The following C8G variants were observed in gnomAD, a reference collection of about 807,000 sequenced individuals.
C8G encodes the protein complement C8 gamma chain.
C8G carries 38 observed loss-of-function variants against 29.1 expected under a neutral mutation model. That is an observed-to-expected ratio of 1.31 (90% CI 1.01 to 1.71). The LOEUF (loss-of-function observed/expected upper bound fraction) is 1.71. Among genes scored for constraint, C8G ranks in the 40% most tolerant of loss-of-function variants. C8G has a pLI of 0.00. For synonymous variants in C8G, 158 were observed against 113.2 expected (o/e 1.40, Z -2.51); for missense variants, 300 against 267.4 (o/e 1.12, Z -0.85).
chr9:136,945,780 A>G lies in C8G; in HGVS notation c.275+10A>G, dbSNP rs1198212415. ...GTACCTTCCGAAAGCTGTGAGTCCC[A>G]GAGCAGCCCTGCACCCTAACCCCAA... On this transcript the variant is annotated intron_variant, in intron 2 of 6. Coordinates refer to ENST00000371634, the MANE Select transcript of C8G (RefSeq NM_000606.3). 1.3e-6 allele frequency: 2 copies of G among 1,548,388 alleles called. No individual in the cohort carries two copies. Among genetic ancestry groups the G allele is most frequent in the East Asian group, 2.4e-5 (1 of 41,194 alleles).
chr9:136,945,567 G>T (rs1851007264), intron 1 of C8G, 67 bp from the exon 2 acceptor site: 6 of 1,573,022 alleles, frequency 3.8e-6, no homozygotes, highest in East Asian at 4.6e-5. Flanking sequence ...GTTGTGGGGG[G>T]TGTAGAGGGA....
rs992390462 is a variant in C8G at position 136,945,341 on chromosome 9, G to C, written c.21G>C (p.Ala7=). Residue 7 remains alanine (A), a synonymous_variant, in exon 1 of 7, where the codon GCG becomes GCC. Coordinates refer to ENST00000371634, the MANE Select transcript of C8G (RefSeq NM_000606.3). MLPPGT[A]TLLTLLLAAG... ...CCACCATGCTGCCCCCTGGGACTGC[G>C]ACCCTCTTGACTCTGCTCCTGGCAG... is the stretch of plus-strand genomic sequence containing the variant. The C allele has an allele frequency of 1.2e-6, 2 of 1,611,818 alleles. No individual in the cohort carries two copies. Among genetic ancestry groups the C allele is most frequent in the Non-Finnish European group, 1.7e-6 (2 of 1,179,192 alleles).
At chr9:136,945,900 C>A (rs1172953116) in intron 2 of C8G, 29 bp from the exon 3 acceptor site, 54 of 1,550,318 alleles carry the variant, frequency 3.5e-5, no homozygotes, top group Non-Finnish European at 4.7e-5. Flanking sequence ...GGTCTCCCAG[C>A]CTGTGGTGCC....
In C8G at chr9:136,946,144, G is replaced by T. The variant is rs56188501; in HGVS notation, c.406G>T (p.Ala136Ser). 6.3e-7 allele frequency: 1 copy of T among 1,583,014 alleles called. No individual in the cohort carries two copies. The highest frequency in any genetic ancestry group is 1.1e-5 in the South Asian group (1 of 87,160). ...CGCTGAGACCGACTACCAGAGTTTCGCTGTCCTGTACCTGGAGCGGGCGGG... is the reference window on the plus strand; with the variant it reads ...CGCTGAGACCGACTACCAGAGTTTCTCTGTCCTGTACCTGGAGCGGGCGGG... ...VVAETDYQSFAVLYLERAGQL... is the reference protein window; with the variant it reads ...VVAETDYQSFSVLYLERAGQL... The change falls in exon 4 of 7, where the codon GCT becomes TCT. Residue 136 changes from alanine to serine, a missense_variant. By Grantham distance (99) the Ala-to-Ser change is moderately conservative. Transcript: ENST00000371634.
At chr9:136,946,282 G>T (rs1564442183) in intron 4 of C8G, 90 bp downstream of exon 4, 2 of 1,375,696 alleles carry the variant, frequency 1.5e-6, no homozygotes, top group East Asian at 2.4e-5. Flanking sequence ...AGCCCATGGG[G>T]ACACACTTCC....
At chr9:136,946,354 G>A (rs1316631158) in intron 4 of C8G, 111 bp from the exon 5 acceptor site, 5 of 1,435,830 alleles carry the variant, frequency 3.5e-6, no homozygotes, top group Non-Finnish European at 4.6e-6. Context: ...GACAGGCCTG[G>A]TGTGGGAGCA....
At position 136,946,790 on chromosome 9, in the gene C8G, C is replaced by A; in HGVS notation, c.*9C>A. Reference sequence around the variant, plus strand: ...CAGAAGTGAGGAGGTGAGGCCGGCACACAGCTCCAGTGCTGAGAAGTCAGT... The same window carrying A: ...CAGAAGTGAGGAGGTGAGGCCGGCAAACAGCTCCAGTGCTGAGAAGTCAGT... On this transcript the variant is annotated 3_prime_UTR_variant, in exon 7 of 7. Transcript: ENST00000371634. 1 of 1,578,500 alleles carries A rather than the reference C, an allele frequency of 6.3e-7. No individual in the cohort carries two copies. Among genetic ancestry groups the A allele is most frequent in the Non-Finnish European group, 8.6e-7 (1 of 1,166,840 alleles).
At position 136,946,918 on chromosome 9, in the gene C8G, G is replaced by A; in HGVS notation, c.*137G>A. On this transcript the variant is annotated 3_prime_UTR_variant, in exon 7 of 7. Coordinates refer to ENST00000371634, the MANE Select transcript of C8G (RefSeq NM_000606.3). ...ACCCAGGGCAGGGGATCTTCTGCCGGCTGCCCCAGAGGACAGTGGGTGGAG... is the reference window on the plus strand; with the variant it reads ...ACCCAGGGCAGGGGATCTTCTGCCGACTGCCCCAGAGGACAGTGGGTGGAG... The A allele has an allele frequency of 8.8e-7, 1 of 1,132,174 alleles. No individual in the cohort carries two copies. Among genetic ancestry groups the A allele is most frequent in the Non-Finnish European group, 1.3e-6 (1 of 781,386 alleles). 70.1% of individuals were successfully genotyped at this position (1,132,174 alleles called of 1,614,324 possible). A position where few individuals can be genotyped will look rare whatever the true frequency, so the allele number is the denominator to read the frequency against.
rs781320401 is a variant in C8G, at chr9:136,946,784, C to T, written c.*3C>T. The T allele has an allele frequency of 6.3e-7, 1 of 1,584,590 alleles. No homozygotes were observed. Among genetic ancestry groups the T allele is most frequent in the South Asian group, 1.1e-5 (1 of 88,518 alleles). ...CTGCTGCAGAAGTGAGGAGGTGAGG[C>T]CGGCACACAGCTCCAGTGCTGAGAA... On this transcript the variant is annotated 3_prime_UTR_variant, in exon 7 of 7. Coordinates refer to ENST00000371634, the MANE Select transcript of C8G (RefSeq NM_000606.3).
At position 136,946,784 on chromosome 9, in the gene C8G, C is replaced by A; in HGVS notation, c.*3C>A. 1 of 1,584,590 alleles carries A rather than the reference C, an allele frequency of 6.3e-7. No individual in the cohort carries two copies. Among genetic ancestry groups the A allele is most frequent in the Non-Finnish European group, 8.5e-7 (1 of 1,169,774 alleles). On this transcript the variant is annotated 3_prime_UTR_variant, in exon 7 of 7. Transcript: ENST00000371634. Reference sequence around the variant, plus strand: ...CTGCTGCAGAAGTGAGGAGGTGAGGCCGGCACACAGCTCCAGTGCTGAGAA... The same window carrying A: ...CTGCTGCAGAAGTGAGGAGGTGAGGACGGCACACAGCTCCAGTGCTGAGAA...
In C8G at chr9:136,945,618, C is replaced by T. The variant is rs899640942; in HGVS notation, c.139-16C>T. Reference sequence around the variant, plus strand: ...CTCCCACAGTGCCCTCGAGTTCTCCCATGGTCTGCCCCCAGTTTGCAGGGA... The same window carrying T: ...CTCCCACAGTGCCCTCGAGTTCTCCTATGGTCTGCCCCCAGTTTGCAGGGA... On this transcript the variant is annotated splice_polypyrimidine_tract_variant and intron_variant, in intron 1 of 6. Transcript: ENST00000371634. 2 of 1,607,440 alleles carry T rather than the reference C, an allele frequency of 1.2e-6. No homozygotes were observed. Among genetic ancestry groups the T allele is most frequent in the Non-Finnish European group, 1.7e-6 (2 of 1,177,210 alleles).
At position 136,945,357 on chromosome 9, in the gene C8G, C is replaced by T. The variant is rs746799093; in HGVS notation, c.37C>T (p.Leu13Phe). 15 of 1,612,856 alleles carry T rather than the reference C, an allele frequency of 9.3e-6. No individual in the cohort carries two copies. The African/African-American group carries it at 1.6e-4, about 17-fold the overall frequency. The change falls in exon 1 of 7, where the codon CTC (leucine) becomes TTC (phenylalanine). Residue 13 changes from leucine to phenylalanine, a missense_variant. Transcript: ENST00000371634. The stretch of plus-strand genomic sequence containing the variant: ...TGGGACTGCGACCCTCTTGACTCTG[C>T]TCCTGGCAGCTGGCTCGCTGGGCCA... ...PPGTATLLTL[L>F]LAAGSLGQKP...
At chr9:136,945,607 T>TCGAGTTCTCCCATGGTCTGCCCC (rs1438568570) in intron 1 of C8G, 27 bp from the exon 2 acceptor site, 1 of 1,602,322 alleles carries the variant, frequency 6.2e-7, no homozygotes, top group South Asian at 1.1e-5. Flanking sequence ...CACAGTGCCC[T>TCGAGTTCTCCCATGGTCTGCCCC]CGAGTTCTCC....
At position 136,946,702 on chromosome 9, in the gene C8G, C is replaced by T. The variant is rs199736043; in HGVS notation, c.595+13C>T. ...CACGTCCTGGACGGTGAGTGCACAG[C>T]GGGGCAAGCATGGCGGCGTGGTGAG... On this transcript the variant is annotated intron_variant, in intron 6 of 6. Coordinates refer to ENST00000371634, the MANE Select transcript of C8G (RefSeq NM_000606.3). 8.8e-5 allele frequency: 142 copies of T among 1,611,584 alleles called. 2 individuals carry two copies. The South Asian group carries it at 1.2e-3, about 14-fold the overall frequency.
chr9:136,946,534 C>G lies in C8G; in HGVS notation c.524C>G (p.Thr175Ser), dbSNP rs576193735. 1.3e-5 allele frequency: 21 copies of G among 1,612,908 alleles called. No individual in the cohort carries two copies. Among genetic ancestry groups the G allele is most frequent in the East Asian group, 2.2e-5 (1 of 44,896 alleles). ...FEQRVQEAHL[T>S]EDQIFYFPKY... Reference sequence around the variant, plus strand: ...CAGCGGGTCCAGGAGGCCCACCTGACTGAGGACCAGATCTTCTACTTCCCC... The same window carrying G: ...CAGCGGGTCCAGGAGGCCCACCTGAGTGAGGACCAGATCTTCTACTTCCCC... Residue 175 changes from threonine (T) to serine (S), a missense_variant, in exon 5 of 7, where the codon ACT becomes AGT. Transcript: ENST00000371634.
At position 136,945,279 on chromosome 9, in the gene C8G, A is replaced by G; in HGVS notation, c.-42A>G. The G allele has an allele frequency of 6.4e-7, 1 of 1,557,428 alleles. No individual in the cohort carries two copies. The highest frequency in any genetic ancestry group is 1.2e-5 in the South Asian group (1 of 84,608). ...CTCTGTCCTGGGACTTGGTGGTGCT[A>G]CCCTTGGCCTCCCACAGTCCTGCCA... On this transcript the variant is annotated 5_prime_UTR_variant, in exon 1 of 7. Transcript: ENST00000371634.
At chr9:136,946,727 G>C in intron 6 of C8G, 38 bp downstream of exon 6, 1 of 1,609,490 alleles carries the variant, frequency 6.2e-7, no homozygotes, top group Non-Finnish European at 8.5e-7. Context: ...GGCGTGGTGA[G>C]GGGGGCCACT....
chr9:136,945,516 G>A, intron 1 of C8G, 58 bp downstream of exon 1: 1 of 1,541,898 alleles, frequency 6.5e-7, no homozygotes, highest in East Asian at 2.4e-5. Flanking sequence ...GGTAGAGGGA[G>A]ACAGGTAGAA....
chr9:136,946,240 A>G, intron 4 of C8G, 48 bp downstream of exon 4: 2 of 1,487,202 alleles, frequency 1.3e-6, no homozygotes, highest in Non-Finnish European at 1.8e-6. Flanking sequence ...CAAGCTCTGC[A>G]CACTCACTGG....
Sources: allele counts gnomAD v4.1 joint callset, GRCh38; gene constraint gnomAD v4.1.1; transcripts MANE v1.5; gene names NCBI Gene and HGNC (gene_info 2026-07-23, HGNC 2026-07-21).